CNTNAP2: variants seen among roughly 807,000 people sequenced by gnomAD.
CNTNAP2 encodes the protein contactin associated protein 2.
In CNTNAP2, 98 loss-of-function variants were observed where a neutral mutation model predicts 155.2. The observed-to-expected ratio is 0.63, with a 90% confidence interval of 0.54 to 0.75. The LOEUF (loss-of-function observed/expected upper bound fraction) is 0.75. CNTNAP2 is among the 30% of genes least tolerant of loss of function. The pLI, the probability that CNTNAP2 is intolerant of heterozygous loss-of-function variation, is 0.00. For missense variants in CNTNAP2, 1,727 were observed against 1,688.1 expected (o/e 1.02, Z -0.40); for synonymous variants, 651 against 631.2 (o/e 1.03, Z -0.47).
intron 18 of CNTNAP2, among the ~76,000 whole-genome samples, chr7:148,202,226 A>C (rs577375154): frequency 6.6e-6 from 1 of 152,282 alleles, no homozygotes; most frequent in African/African-American, 2.4e-5. Flanking sequence ...CAGAGAGCAA[A>C]CCTGTGAGCA....
intron 21 of CNTNAP2, among the ~76,000 whole-genome samples, chr7:148,352,072 A>G (rs1798436771): frequency 2.6e-5 from 4 of 152,302 alleles, no homozygotes; most frequent in Admixed American, 2.0e-4. Context: ...ATGGAATCAG[A>G]TAAGTGTGTG....
intron 11 of CNTNAP2, among the ~76,000 whole-genome samples, chr7:147,507,787 G>T (rs563748594): frequency 1.3e-5 from 2 of 151,884 alleles, no homozygotes; most frequent in Non-Finnish European, 2.9e-5. Context: ...TCCTGACCTC[G>T]TGATCGGCCT....
chr7:147,724,356 G>A (rs1796612550), intron 13 of CNTNAP2, among the ~76,000 whole-genome samples: 1 of 152,050 alleles, frequency 6.6e-6, no homozygotes, highest in Admixed American at 6.6e-5. Flanking sequence ...AATGAAATGA[G>A]TGTTAAACTG....
At chr7:146,171,814 G>T (rs564158922) in intron 1 of CNTNAP2, among the ~76,000 whole-genome samples, 6 of 152,030 alleles carry the variant, frequency 3.9e-5, no homozygotes, top group African/African-American at 1.4e-4. Flanking sequence ...ATGATGTGTT[G>T]ATATCTTAAA....
At chr7:148,149,847 T>A (rs1805263161) in intron 17 of CNTNAP2, among the ~76,000 whole-genome samples, 1 of 152,014 alleles carries the variant, frequency 6.6e-6, no homozygotes, top group Non-Finnish European at 1.5e-5. Flanking sequence ...CCACCACTCC[T>A]GGCCTGTGTT....
intron 2 of CNTNAP2, among the ~76,000 whole-genome samples, chr7:146,822,108 G>T (rs541722398): frequency 3.5e-4 from 54 of 152,274 alleles, no homozygotes; most frequent in African/African-American, 1.3e-3. Context: ...TTAAGAAAAT[G>T]TGGCACATAT....
chr7:147,781,024 T>C (rs1797654056), intron 13 of CNTNAP2, among the ~76,000 whole-genome samples: 1 of 152,186 alleles, frequency 6.6e-6, no homozygotes, highest in Admixed American at 6.5e-5. Flanking sequence ...CTTATAGTTC[T>C]CCAGTGGTTA....
chr7:147,450,906 C>G (rs1470304276), intron 10 of CNTNAP2, among the ~76,000 whole-genome samples: 1 of 152,180 alleles, frequency 6.6e-6, no homozygotes, highest in Non-Finnish European at 1.5e-5. Context: ...ATTCTCAGTA[C>G]CTAGGACATC....
At chr7:147,957,005 A>G (rs138500066) in intron 14 of CNTNAP2, among the ~76,000 whole-genome samples, 2,493 of 152,236 alleles carry the variant, frequency 0.016, 30 homozygotes, top group Non-Finnish European at 0.025. Flanking sequence ...TCCAAGTTTT[A>G]CTGCTTAGAT....
intron 21 of CNTNAP2, among the ~76,000 whole-genome samples, chr7:148,305,931 C>T (rs1291985246): frequency 1.3e-5 from 2 of 152,188 alleles, no homozygotes; most frequent in Admixed American, 1.3e-4. Context: ...CCCCTCCTAC[C>T]CGGCTTCCAT....
chr7:146,644,141 A>C (rs897223683), intron 1 of CNTNAP2, among the ~76,000 whole-genome samples: 2 of 152,158 alleles, frequency 1.3e-5, no homozygotes, highest in Non-Finnish European at 2.9e-5. Context: ...TTCCTAATTG[A>C]ATACCCTTTA....
intron 10 of CNTNAP2, 31 bp from the exon 11 acceptor site, chr7:147,485,904 G>T (rs1798500954): frequency 6.2e-7 from 1 of 1,606,104 alleles, no homozygotes. Flanking sequence ...TTGTTTGTTG[G>T]TTTATTTCTG....
chr7:146,505,531 G>T (rs79678308), intron 1 of CNTNAP2, among the ~76,000 whole-genome samples: 10,036 of 152,262 alleles, frequency 0.066, 825 homozygotes, highest in African/African-American at 0.19. Flanking sequence ...AGGAAATACA[G>T]ATGTTCCCTG....
At chr7:146,821,017 G>C (rs932248307) in intron 2 of CNTNAP2, among the ~76,000 whole-genome samples, 1 of 151,984 alleles carries the variant, frequency 6.6e-6, no homozygotes, top group African/African-American at 2.4e-5. Context: ...CATTTGCTTG[G>C]TAGATCTTCC....
In CNTNAP2 at chr7:146,375,768, G is replaced by C. The variant is rs114730776; in HGVS notation, c.97+258795G>C. Among the ~76,000 whole-genome samples, 1,427 of 152,212 alleles carry C rather than the reference G, an allele frequency of 9.4e-3. 23 individuals are homozygous for C. Among genetic ancestry groups the C allele is most frequent in the African/African-American group, 0.032 (1,310 of 41,538 alleles). On this transcript the variant is annotated intron_variant, in intron 1 of 23. Transcript: ENST00000361727. ...TTGTAGATGTAGATTCGATTTCATC[G>C]TGTGACCCAGTGTACAACACTGAAT...
Position 147,776,319 on chromosome 7 carries a change from G to T in CNTNAP2, c.2099-127246G>T, listed in dbSNP as rs141285400. ...AGGGGAAGAGGGTAAAGGTAGAAAGGCCCTGGATGACTAAAATGAATGTAA... is the reference window on the plus strand; with the variant it reads ...AGGGGAAGAGGGTAAAGGTAGAAAGTCCCTGGATGACTAAAATGAATGTAA... On this transcript the variant is annotated intron_variant, in intron 13 of 23. Transcript: ENST00000361727. 4.3e-3 allele frequency among the ~76,000 whole-genome samples: 646 copies of T among 149,816 alleles called. 5 individuals are homozygous for T. The highest frequency in any genetic ancestry group is 5.1e-3 in the Non-Finnish European group (345 of 67,622).
At chr7:146,560,059 T>C (rs1473723993) in intron 1 of CNTNAP2, among the ~76,000 whole-genome samples, 2 of 152,216 alleles carry the variant, frequency 1.3e-5, no homozygotes, top group African/African-American at 4.8e-5. Context: ...GTAATCATTT[T>C]CTAATAAAAT....
intron 21 of CNTNAP2, among the ~76,000 whole-genome samples, chr7:148,375,307 CTA>C (rs1798962740): frequency 6.8e-6 from 1 of 147,314 alleles, no homozygotes; most frequent in Non-Finnish European, 1.5e-5. Context: ...AATATATAAA[CTA>C]TAAATATAAA....
chr7:146,670,668 CAT>C (rs993054608), intron 1 of CNTNAP2, among the ~76,000 whole-genome samples: 6 of 152,256 alleles, frequency 3.9e-5, no homozygotes, highest in African/African-American at 1.4e-4. Context: ...GGATATTCCA[CAT>C]GTCTATGTTG....
Sources: allele counts gnomAD v4.1 joint callset (sites outside exome capture counted in the v4.1 genomes callset), GRCh38; gene constraint gnomAD v4.1.1; transcripts MANE v1.5; gene names NCBI Gene and HGNC (gene_info 2026-07-23, HGNC 2026-07-21).